Variants in CEP112 observed in about 807,000 individuals in gnomAD.
CEP112 encodes the protein centrosomal protein of 112 kDa.
A neutral mutation model predicts 153.0 loss-of-function variants in CEP112; 127 were observed. The observed-to-expected ratio is 0.83, with a 90% CI of 0.72 to 0.96. The LOEUF is 0.96. Among genes scored for constraint, CEP112 ranks in the 40% least tolerant of loss-of-function variants. The pLI is 0.00. For synonymous variants in CEP112, 358 were observed against 374.4 expected, an observed-to-expected ratio of 0.96 and a Z score of 0.51; for missense variants, 1,089 against 1,101.2, an observed-to-expected ratio of 0.99 and a Z score of 0.16.
intron 21 of CEP112, among the ~76,000 whole-genome samples, chr17:65,828,439 T>C (rs1315730730): frequency 6.6e-6 from 1 of 152,234 alleles, no homozygotes; most frequent in Non-Finnish European, 1.5e-5. Flanking sequence ...AAGAGCAGCC[T>C]TTAAAGCAGA....
At chr17:65,788,376 T>A (rs1200408328) in intron 21 of CEP112, among the ~76,000 whole-genome samples, 1 of 152,168 alleles carries the variant, frequency 6.6e-6, no homozygotes, top group African/African-American at 2.4e-5. Context: ...TTTTTACTGT[T>A]CCTGGCTGAC....
rs368627676 is a variant in CEP112, at chr17:65,725,559, C to T, written c.2607+17509G>A. 1.4e-4 allele frequency among the ~76,000 whole-genome samples: 22 copies of T among 152,288 alleles called. No homozygotes were observed. The East Asian group carries it at 4.2e-3, about 29-fold the overall frequency. The stretch of plus-strand genomic sequence containing the variant: ...CTGGAACTCCTGACCTCAAGTGATC[C>T]AGTCGCCTGGGCCTCCCAAAGTGCT... On this transcript the variant is annotated intron_variant, in intron 23 of 26. Transcript: ENST00000535342.
chr17:65,644,857 G>C (rs11658306), intron 24 of CEP112, among the ~76,000 whole-genome samples: 21,450 of 152,006 alleles, frequency 0.14, 1,916 homozygotes, highest in East Asian at 0.49. Flanking sequence ...TTTCTCCAGT[G>C]TTTTCTGGCA....
intron 20 of CEP112, among the ~76,000 whole-genome samples, chr17:65,882,262 C>G (rs1184578429): frequency 6.6e-6 from 1 of 152,194 alleles, no homozygotes; most frequent in Non-Finnish European, 1.5e-5. Flanking sequence ...TAATACTGTA[C>G]TGAGCACATA....
intron 16 of CEP112, among the ~76,000 whole-genome samples, chr17:66,024,070 T>C (rs34259763): frequency 0.51 from 78,288 of 152,030 alleles, 21,080 homozygotes; most frequent in African/African-American, 0.59. Context: ...GCAAAAACCA[T>C]ATGACCGTCT....
At chr17:66,130,603 G>A (rs1357332249) in intron 5 of CEP112, among the ~76,000 whole-genome samples, 3 of 151,870 alleles carry the variant, frequency 2.0e-5, no homozygotes, top group South Asian at 2.1e-4. Context: ...CTGAAACCCT[G>A]TCTCTACTAA....
chr17:65,654,772 A>G, intron 24 of CEP112: 1 of 370,378 alleles, frequency 2.7e-6, no homozygotes, highest in Non-Finnish European at 5.2e-6. Flanking sequence ...ACACAGAGGA[A>G]AGACAGAAAA....
Position 66,129,783 on chromosome 17 carries a change from C to G in CEP112, c.605G>C (p.Ser202Thr). Residue 202 changes from serine to threonine, a missense_variant, in exon 6 of 27, where the codon AGT (serine) becomes ACT (threonine). By Grantham distance (58) the Ser-to-Thr change is moderately conservative (BLOSUM62 1). Coordinates refer to ENST00000535342, the MANE Select transcript of CEP112 (RefSeq NM_001199165.4). The stretch of plus-strand genomic sequence containing the variant: ...ACTATTAAGGCGAGCTTCAATGTCA[C>G]TATCATCCAAAGAAACAGGAGATTT... Reference protein sequence around the residue: ...SKKSPVSLDDSDIEARLNSWN... With the variant: ...SKKSPVSLDDTDIEARLNSWN... 2.5e-6 allele frequency: 4 copies of G among 1,612,274 alleles called. No homozygotes were observed. The highest frequency in any genetic ancestry group is 3.4e-6 in the Non-Finnish European group (4 of 1,179,326).
intron 23 of CEP112, among the ~76,000 whole-genome samples, chr17:65,715,791 G>A (rs902083235): frequency 2.0e-5 from 3 of 151,906 alleles, no homozygotes; most frequent in African/African-American, 4.8e-5. Flanking sequence ...GGAGTCAAGG[G>A]AGAAGAGGAT....
At chr17:65,971,636 C>T (rs1198691560) in intron 17 of CEP112, among the ~76,000 whole-genome samples, 3 of 149,938 alleles carry the variant, frequency 2.0e-5, no homozygotes, top group Non-Finnish European at 3.0e-5. Flanking sequence ...ATGCATATTG[C>T]GTTATATTGC....
intron 17 of CEP112, among the ~76,000 whole-genome samples, chr17:65,964,139 T>C (rs995136700): frequency 6.6e-6 from 1 of 152,250 alleles, no homozygotes; most frequent in African/African-American, 2.4e-5. Flanking sequence ...ACTTGTCTAC[T>C]TTAATGAACT....
chr17:65,823,104 T>A (rs896640070), intron 21 of CEP112, among the ~76,000 whole-genome samples: 1 of 152,086 alleles, frequency 6.6e-6, no homozygotes, highest in African/African-American at 2.4e-5. Context: ...ATCAGAAAAC[T>A]CAATTTCATT....
chr17:66,139,761 C>G (rs1568538006), intron 4 of CEP112, among the ~76,000 whole-genome samples: 1 of 151,976 alleles, frequency 6.6e-6, no homozygotes, highest in Non-Finnish European at 1.5e-5. Flanking sequence ...ATGAACAGAC[C>G]AATAACTAGT....
intron 24 of CEP112, among the ~76,000 whole-genome samples, chr17:65,645,922 G>C (rs2143465400): frequency 6.6e-6 from 1 of 152,268 alleles, no homozygotes; most frequent in East Asian, 1.9e-4. Flanking sequence ...GCTATGCTTT[G>C]GTTTTGTCGT....
At chr17:65,941,847 A>T (rs2061515940) in intron 18 of CEP112, among the ~76,000 whole-genome samples, 1 of 151,736 alleles carries the variant, frequency 6.6e-6, no homozygotes, top group African/African-American at 2.4e-5. Context: ...ACAGTGGCAC[A>T]ATCTCAACTC....
chr17:65,679,042 T>G (rs1327706225), intron 24 of CEP112, among the ~76,000 whole-genome samples: 1 of 146,300 alleles, frequency 6.8e-6, no homozygotes, highest in East Asian at 2.2e-4. Flanking sequence ...GCCACCAAAA[T>G]CTATTAGAAT....
intron 21 of CEP112, among the ~76,000 whole-genome samples, chr17:65,805,038 G>T (rs1487999852): frequency 1.3e-5 from 2 of 151,804 alleles, no homozygotes; most frequent in Admixed American, 6.6e-5. Context: ...TAGTAGAGAT[G>T]GGATTTTGCC....
intron 6 of CEP112, among the ~76,000 whole-genome samples, chr17:66,098,815 T>C (rs1037665226): frequency 2.0e-5 from 3 of 152,144 alleles, no homozygotes; most frequent in East Asian, 1.9e-4. Flanking sequence ...AGAAAGGGAA[T>C]ACAAATCCCT....
chr17:65,734,113 C>T (rs183841182), intron 23 of CEP112, among the ~76,000 whole-genome samples: 56 of 152,320 alleles, frequency 3.7e-4, no homozygotes, highest in Middle Eastern at 3.4e-3. Flanking sequence ...CCTGCAGATT[C>T]GGACTGGGTG....
Sources: allele counts gnomAD v4.1 joint callset (sites outside exome capture counted in the v4.1 genomes callset), GRCh38; gene constraint gnomAD v4.1.1; transcripts MANE v1.5; gene names NCBI Gene and HGNC (gene_info 2026-07-23, HGNC 2026-07-21).